The following SNX2 variants were observed in gnomAD, a reference collection of about 807,000 sequenced individuals.
The protein encoded by SNX2 is sorting nexin-2.
Under a neutral mutation model 69.9 loss-of-function variants are expected in SNX2, and 25 were observed. The observed-to-expected ratio is 0.36, with a 90% confidence interval of 0.26 to 0.50. SNX2 has a LOEUF of 0.50. SNX2 is among the 20% of genes least tolerant of loss of function. The pLI, the probability that SNX2 is intolerant of heterozygous loss-of-function variation, is 0.97. For missense variants in SNX2, 551 were observed against 613.3 expected, an observed-to-expected ratio of 0.90 and a Z score of 1.07; for synonymous variants, 229 against 200.4, an observed-to-expected ratio of 1.14 and a Z score of -1.20.
intron 1 of SNX2, among the ~76,000 whole-genome samples, chr5:122,781,384 T>C (rs774063137): frequency 1.9e-4 from 29 of 152,246 alleles, no homozygotes; most frequent in Non-Finnish European, 3.5e-4. Flanking sequence ...TATTCCATTG[T>C]TTGTATGTAA....
At chr5:122,784,504 AT>A (rs955001482) in intron 1 of SNX2, among the ~76,000 whole-genome samples, 21 of 149,862 alleles carry the variant, frequency 1.4e-4, no homozygotes, top group Admixed American at 3.3e-4. Context: ...GATTATATTG[AT>A]TTTTTTTTCT....
intron 2 of SNX2, among the ~76,000 whole-genome samples, chr5:122,798,697 T>C (rs1000252050): frequency 6.6e-6 from 1 of 152,082 alleles, no homozygotes; most frequent in Non-Finnish European, 1.5e-5. Flanking sequence ...CCACTTGTGA[T>C]TTTCCCTTTC....
rs1394411400 is a variant in SNX2, at chr5:122,831,341, C to T, written c.*1693C>T. 6.6e-6 allele frequency among the ~76,000 whole-genome samples: 1 copy of T among 151,872 alleles called. No individual in the cohort carries two copies. Among genetic ancestry groups the T allele is most frequent in the Non-Finnish European group, 1.5e-5 (1 of 67,978 alleles). On this transcript the variant is annotated 3_prime_UTR_variant, in exon 15 of 15. Transcript: ENST00000379516. ...GCTTGATGGGCCAGGCACAGTGACTCACATGCCTGTAGTCCCAGCTTCTTG... is the reference window on the plus strand; with the variant it reads ...GCTTGATGGGCCAGGCACAGTGACTTACATGCCTGTAGTCCCAGCTTCTTG...
chr5:122,794,611 AAAT>A (rs1199668027), intron 1 of SNX2, among the ~76,000 whole-genome samples: 1 of 152,240 alleles, frequency 6.6e-6, no homozygotes. Flanking sequence ...GGATTTTTGA[AAAT>A]CAAGGACATG....
In SNX2 at chr5:122,829,689, C is replaced by T. The variant is rs1163466087; in HGVS notation, c.*41C>T. On this transcript the variant is annotated 3_prime_UTR_variant, in exon 15 of 15. Coordinates refer to ENST00000379516, the MANE Select transcript of SNX2 (RefSeq NM_003100.4). The stretch of plus-strand genomic sequence containing the variant: ...CGTTAAGAAGACCTTGGATGTTGTT[C>T]CAGTTATGCTGGATTCCACAGTGAA... 6.5e-7 allele frequency: 1 copy of T among 1,538,524 alleles called. No individual in the cohort carries two copies. The highest frequency in any genetic ancestry group is 1.4e-5 in the African/African-American group (1 of 73,286).
intron 5 of SNX2, 36 bp from the exon 6 acceptor site, chr5:122,803,436 T>C: frequency 1.3e-6 from 2 of 1,573,274 alleles, no homozygotes; most frequent in East Asian, 2.3e-5. Flanking sequence ...AATTGCTTGC[T>C]ATTCAAAATT....
intron 1 of SNX2, among the ~76,000 whole-genome samples, chr5:122,790,660 A>G (rs955050796): frequency 2.0e-5 from 3 of 152,188 alleles, no homozygotes; most frequent in Non-Finnish European, 4.4e-5. Flanking sequence ...CAGAAAAAAA[A>G]TGGTTTTGGG....
intron 7 of SNX2, among the ~76,000 whole-genome samples, chr5:122,815,242 C>G (rs1267256609): frequency 6.6e-6 from 1 of 151,908 alleles, no homozygotes; most frequent in Non-Finnish European, 1.5e-5. Context: ...ATGTGGTATT[C>G]GTTTATTTGA....
chr5:122,800,430 A>G (rs1405967167), intron 3 of SNX2, among the ~76,000 whole-genome samples: 2 of 152,318 alleles, frequency 1.3e-5, no homozygotes, highest in Non-Finnish European at 1.5e-5. Context: ...AATATAAACA[A>G]TCTCGCAAAC....
chr5:122,833,606 A>G lies in SNX2; in HGVS notation c.*3958A>G, dbSNP rs1359125308. 1.3e-5 allele frequency: 2 copies of G among 152,228 alleles called. No individual in the cohort carries two copies. The highest frequency in any genetic ancestry group is 2.9e-5 in the Non-Finnish European group (2 of 68,036). 9.4% of individuals were successfully genotyped at this position (152,228 alleles called of 1,614,324 possible). On this transcript the variant is annotated 3_prime_UTR_variant, in exon 15 of 15. Coordinates refer to ENST00000379516, the MANE Select transcript of SNX2 (RefSeq NM_003100.4). ...TGTCACATGTGGATGACTAGTGGCTATGATAATGGACAGCATAGGTTTAGA... is the reference window on the plus strand; with the variant it reads ...TGTCACATGTGGATGACTAGTGGCTGTGATAATGGACAGCATAGGTTTAGA...
At chr5:122,789,587 G>A (rs539519609) in intron 1 of SNX2, among the ~76,000 whole-genome samples, 119 of 152,170 alleles carry the variant, frequency 7.8e-4, no homozygotes, top group African/African-American at 2.5e-3. Context: ...CTCCATGCCT[G>A]GGACTTGCTT....
chr5:122,801,280 G>A (rs1027053845), intron 3 of SNX2, among the ~76,000 whole-genome samples: 9 of 152,158 alleles, frequency 5.9e-5, no homozygotes, highest in Non-Finnish European at 8.8e-5. Flanking sequence ...ACAAAAAGAC[G>A]AAAACATTTT....
intron 6 of SNX2, among the ~76,000 whole-genome samples, chr5:122,806,863 A>G (rs1753670350): frequency 6.6e-6 from 1 of 152,192 alleles, no homozygotes; most frequent in Non-Finnish European, 1.5e-5. Context: ...AAACATTAAT[A>G]GGTGATTAAT....
rs766827774 is a variant in SNX2 at position 122,803,528 on chromosome 5, C to G, written c.558C>G (p.Asp186Glu). 8.1e-6 allele frequency: 13 copies of G among 1,612,602 alleles called. No homozygotes were observed. The change falls in exon 6 of 15, where the codon GAC (aspartate) becomes GAG (glutamate). Residue 186 changes from aspartate to glutamate, a missense_variant. This residue lies in a region of SNX2 where 360 missense variants were observed against 450.4 expected (regional missense o/e 0.80). Transcript: ENST00000379516. The stretch of plus-strand genomic sequence containing the variant: ...TTTCAGTGAAAAGAAGATTCAGCGA[C>G]TTTCTTGGTTTGCACAGCAAATTAG... ...SEFSVKRRFSDFLGLHSKLAS... is the reference protein window; with the variant it reads ...SEFSVKRRFSEFLGLHSKLAS...
At chr5:122,787,393 G>T (rs1753113307) in intron 1 of SNX2, among the ~76,000 whole-genome samples, 1 of 152,080 alleles carries the variant, frequency 6.6e-6, no homozygotes, top group Non-Finnish European at 1.5e-5. Flanking sequence ...GGTGGTGCAT[G>T]CCTGTAGTTC....
At position 122,829,912 on chromosome 5, in the gene SNX2, T is replaced by C. The variant is rs1372048930; in HGVS notation, c.*264T>C. Reference sequence around the variant, plus strand: ...CTTTGCTGAATTGAACACTATTGTGTCTTAAATACTTGCACTAAATAGTGC... The same window carrying C: ...CTTTGCTGAATTGAACACTATTGTGCCTTAAATACTTGCACTAAATAGTGC... On this transcript the variant is annotated 3_prime_UTR_variant, in exon 15 of 15. Coordinates refer to ENST00000379516, the MANE Select transcript of SNX2 (RefSeq NM_003100.4). The C allele has an allele frequency of 4.1e-6, 2 of 483,842 alleles. No homozygotes were observed. Among genetic ancestry groups the C allele is most frequent in the Non-Finnish European group, 7.5e-6 (2 of 267,050 alleles). 30.0% of individuals were successfully genotyped at this position (483,842 alleles called of 1,614,324 possible).
At chr5:122,780,025 T>C (rs1411447781) in intron 1 of SNX2, among the ~76,000 whole-genome samples, 1 of 152,220 alleles carries the variant, frequency 6.6e-6, no homozygotes, top group Non-Finnish European at 1.5e-5. Context: ...GATTAAAAGA[T>C]AATATTCAGA....
chr5:122,784,241 G>A (rs1295611843), intron 1 of SNX2, among the ~76,000 whole-genome samples: 3 of 149,662 alleles, frequency 2.0e-5, no homozygotes, highest in African/African-American at 7.4e-5. Context: ...CCTAATGGCT[G>A]GGTAGGACCA....
chr5:122,800,252 A>G (rs1270237494), intron 3 of SNX2, among the ~76,000 whole-genome samples: 1 of 152,210 alleles, frequency 6.6e-6, no homozygotes. Context: ...GGGAGGATGT[A>G]TATCAGTTAA....
Sources: gnomAD v4.1 joint callset for allele counts (sites outside exome capture counted in the v4.1 genomes callset) on GRCh38, gnomAD v4.1.1 for gene constraint, gnomAD v4.1.1 regional missense constraint, MANE v1.5 for transcripts, NCBI Gene and HGNC (gene_info 2026-07-23, HGNC 2026-07-21) for gene names.